NEGR1: variants seen among roughly 807,000 people sequenced by gnomAD.
NEGR1 encodes IgLON family member 4.
A neutral mutation model predicts 40.9 loss-of-function variants in NEGR1; 10 were observed. That is an observed-to-expected ratio of 0.24 (90% CI 0.15 to 0.42). The LOEUF (loss-of-function observed/expected upper bound fraction) is 0.42. Ranked by LOEUF, NEGR1 falls within the 10% of genes least tolerant of loss-of-function variation. The probability of loss-of-function intolerance (pLI) is 1.00; values close to 1 mark genes in which losing one functional copy is unlikely to be tolerated. For missense variants in NEGR1, 352 were observed against 438.9 expected, an observed-to-expected ratio of 0.80 and a Z score of 1.77; for synonymous variants, 185 against 166.8, an observed-to-expected ratio of 1.11 and a Z score of -0.84.
chr1:71,816,291 C>T (rs1420805522), intron 2 of NEGR1, among the ~76,000 whole-genome samples: 1 of 151,980 alleles, frequency 6.6e-6, no homozygotes, highest in Non-Finnish European at 1.5e-5. Context: ...CCTTTTACAC[C>T]ACCACACATG....
At position 71,765,795 on chromosome 1, in the gene NEGR1, T is replaced by C. The variant is rs147907198; in HGVS notation, c.535+10377A>G. 2.6e-5 allele frequency among the ~76,000 whole-genome samples: 4 copies of C among 152,332 alleles called. No individual in the cohort carries two copies. In the East Asian group the frequency reaches 7.7e-4, roughly 29 times the overall value. On this transcript the variant is annotated intron_variant, in intron 3 of 6. Transcript: ENST00000357731. ...GCATTCTGATTCTATCCCTATGCCT[T>C]AGATCACTTGTTTAAAGTCTCCTTT... is the stretch of plus-strand genomic sequence containing the variant.
At chr1:71,855,503 C>T (rs768686396) in intron 2 of NEGR1, among the ~76,000 whole-genome samples, 1 of 151,898 alleles carries the variant, frequency 6.6e-6, no homozygotes, top group Non-Finnish European at 1.5e-5. Flanking sequence ...CTTTATAGGA[C>T]ATGTATATTG....
intron 1 of NEGR1, among the ~76,000 whole-genome samples, chr1:72,166,200 G>C (rs1476228507): frequency 1.3e-5 from 2 of 151,894 alleles, no homozygotes; most frequent in East Asian, 3.9e-4. Flanking sequence ...AAAAATAAAA[G>C]AGACTTTTAC....
intron 2 of NEGR1, among the ~76,000 whole-genome samples, chr1:71,838,053 A>G (rs544140024): frequency 6.6e-6 from 1 of 152,256 alleles, no homozygotes; most frequent in African/African-American, 2.4e-5. Flanking sequence ...TTTGAGGTAC[A>G]TTGAAAAAAA....
chr1:72,166,263 T>G (rs2100384980), intron 1 of NEGR1, among the ~76,000 whole-genome samples: 1 of 152,086 alleles, frequency 6.6e-6, no homozygotes, highest in Non-Finnish European at 1.5e-5. Context: ...AAAATAGCTA[T>G]TATCAAAAAG....
chr1:71,401,512 A>G lies in NEGR1; in HGVS notation c.*5934T>C, dbSNP rs565633038. The G allele has an allele frequency of 9.2e-5, 14 of 152,302 alleles. No homozygotes were observed. The East Asian group carries it at 2.7e-3, about 29-fold the overall frequency. 9.4% of individuals were successfully genotyped at this position (152,302 alleles called of 1,614,324 possible). A position where few individuals can be genotyped will look rare whatever the true frequency, so the allele number is the denominator to read the frequency against. The stretch of plus-strand genomic sequence containing the variant: ...TATTCATATTTTGAAAACAAAGTAC[A>G]AATGTATTTCTTAGGTTGCATATCA... On this transcript the variant is annotated 3_prime_UTR_variant, in exon 7 of 7. Coordinates refer to ENST00000357731, the MANE Select transcript of NEGR1 (RefSeq NM_173808.3).
At chr1:71,761,842 A>G (rs1655954043) in intron 3 of NEGR1, among the ~76,000 whole-genome samples, 2 of 152,146 alleles carry the variant, frequency 1.3e-5, no homozygotes, top group African/African-American at 4.8e-5. Context: ...AAACAATAAA[A>G]GAAGGAAACT....
intron 4 of NEGR1, among the ~76,000 whole-genome samples, chr1:71,639,206 GAA>G (rs111324697): frequency 3.3e-4 from 39 of 116,420 alleles, no homozygotes; most frequent in Middle Eastern, 4.5e-3. Flanking sequence ...GATGTTCAGG[GAA>G]AAAAAAAAAA....
intron 6 of NEGR1, among the ~76,000 whole-genome samples, chr1:71,519,729 TAA>T (rs202110594): frequency 0.084 from 10,807 of 128,718 alleles, 1,258 homozygotes; most frequent in African/African-American, 0.28. Context: ...TAGAGTATAA[TAA>T]AAAAAAAAAA....
chr1:71,960,759 T>A (rs1243372976), intron 1 of NEGR1, among the ~76,000 whole-genome samples: 1 of 152,156 alleles, frequency 6.6e-6, no homozygotes, highest in East Asian at 1.9e-4. Context: ...GAGTTAGAAA[T>A]AAGCAGAAAT....
intron 2 of NEGR1, among the ~76,000 whole-genome samples, chr1:71,805,393 A>G (rs1245794748): frequency 6.6e-6 from 1 of 152,150 alleles, no homozygotes; most frequent in East Asian, 1.9e-4. Flanking sequence ...GCATCACGGA[A>G]CCTGCCGACA....
At chr1:71,901,365 T>C (rs928070286) in intron 2 of NEGR1, among the ~76,000 whole-genome samples, 1 of 152,208 alleles carries the variant, frequency 6.6e-6, no homozygotes, top group East Asian at 1.9e-4. Flanking sequence ...GGTACATTTC[T>C]TATTTATCAC....
intron 1 of NEGR1, among the ~76,000 whole-genome samples, chr1:72,120,866 C>T (rs558117383): frequency 2.0e-5 from 3 of 151,794 alleles, no homozygotes; most frequent in Non-Finnish European, 4.4e-5. Flanking sequence ...TCTGAAGCTG[C>T]ATTATTTAAA....
intron 6 of NEGR1, among the ~76,000 whole-genome samples, chr1:71,442,524 G>A (rs12045025): frequency 6.6e-6 from 1 of 152,248 alleles, no homozygotes; most frequent in Non-Finnish European, 1.5e-5. Flanking sequence ...TGAGGCAGGA[G>A]AATCACCTGA....
chr1:71,760,260 A>C (rs1390937397), intron 3 of NEGR1, among the ~76,000 whole-genome samples: 1 of 152,170 alleles, frequency 6.6e-6, no homozygotes, highest in Non-Finnish European at 1.5e-5. Flanking sequence ...ATAGTGATTC[A>C]TCATATCAAG....
At chr1:71,909,910 A>G (rs1018679300) in intron 2 of NEGR1, among the ~76,000 whole-genome samples, 3 of 152,258 alleles carry the variant, frequency 2.0e-5, no homozygotes, top group East Asian at 1.9e-4. Flanking sequence ...GTAGTTATGC[A>G]TAGACTCTAT....
chr1:71,786,508 C>G (rs748371301), intron 2 of NEGR1, among the ~76,000 whole-genome samples: 1 of 152,084 alleles, frequency 6.6e-6, no homozygotes, highest in Non-Finnish European at 1.5e-5. Flanking sequence ...GGAAACATGT[C>G]TAAAAAAGGT....
chr1:71,866,923 G>A (rs905197341), intron 2 of NEGR1, among the ~76,000 whole-genome samples: 2 of 152,156 alleles, frequency 1.3e-5, no homozygotes, highest in Admixed American at 1.3e-4. Context: ...TCTGAAAAGT[G>A]GGAATGTCCC....
chr1:72,137,413 C>T (rs1650508933), intron 1 of NEGR1, among the ~76,000 whole-genome samples: 1 of 152,028 alleles, frequency 6.6e-6, no homozygotes, highest in South Asian at 2.1e-4. Flanking sequence ...TACTATGCAG[C>T]CATAAAAAAG....
Sources: gnomAD v4.1 joint callset for allele counts (sites outside exome capture counted in the v4.1 genomes callset) on GRCh38, gnomAD v4.1.1 for gene constraint, MANE v1.5 for transcripts, NCBI Gene and HGNC (gene_info 2026-07-23, HGNC 2026-07-21) for gene names.